NREP: variants seen among roughly 807,000 people sequenced by gnomAD.
NREP encodes the protein neuronal regeneration related protein.
In NREP, 5 loss-of-function variants were observed where a neutral mutation model predicts 8.6. The ratio of observed to expected loss-of-function variants is 0.58; its 90% CI spans 0.30 to 1.22. The LOEUF is 1.22. NREP is among the 50% of genes most tolerant of loss of function. NREP has a pLI of 0.07. For missense variants in NREP, 86 were observed against 82.5 expected (o/e 1.04, Z -0.17); for synonymous variants, 27 against 28.0 (o/e 0.96, Z 0.11).
intron 2 of NREP, among the ~76,000 whole-genome samples, chr5:111,834,073 CTT>C (rs1032341953): frequency 7.9e-5 from 12 of 152,076 alleles, no homozygotes; most frequent in Admixed American, 5.9e-4. Context: ...TGTCACCTGA[CTT>C]TTTTTGTGTT....
At chr5:111,918,358 T>A (rs1268556427) in intron 2 of NREP, among the ~76,000 whole-genome samples, 1 of 152,158 alleles carries the variant, frequency 6.6e-6, no homozygotes, top group Non-Finnish European at 1.5e-5. Flanking sequence ...AAAAACTACT[T>A]TAAATTTTAT....
chr5:111,896,154 A>G (rs1428456778), intron 2 of NREP, among the ~76,000 whole-genome samples: 1 of 152,182 alleles, frequency 6.6e-6, no homozygotes, highest in Non-Finnish European at 1.5e-5. Context: ...GAGGAAGCAC[A>G]GAGATTGGTA....
intron 2 of NREP, among the ~76,000 whole-genome samples, chr5:111,782,301 G>A (rs1311287811): frequency 6.6e-6 from 1 of 152,184 alleles, no homozygotes; most frequent in East Asian, 1.9e-4. Context: ...GCTTATCAGT[G>A]TGACTAATAA....
upstream of NREP, chr5:111,757,514 CCCAG>C (rs1296696233): frequency 3.0e-6 from 3 of 984,964 alleles, no homozygotes; most frequent in African/African-American, 5.2e-5. Context: ...GAGCCAGCGC[CCCAG>C]CCTTGCTGCC....
chr5:111,805,691 A>C (rs1010401770), intron 2 of NREP, among the ~76,000 whole-genome samples: 4 of 152,240 alleles, frequency 2.6e-5, no homozygotes, highest in African/African-American at 9.6e-5. Flanking sequence ...ATACTTCAGC[A>C]AATAAGTTCA....
At chr5:111,810,840 A>G (rs896428065) in intron 2 of NREP, among the ~76,000 whole-genome samples, 1 of 152,200 alleles carries the variant, frequency 6.6e-6, no homozygotes, top group African/African-American at 2.4e-5. Context: ...TCCTATAATT[A>G]CTTTTCAACA....
At position 111,827,893 on chromosome 5, in the gene NREP, C is replaced by T. The variant is rs140494091; in HGVS notation, c.136-92386G>A. Among the ~76,000 whole-genome samples, 758 of 152,266 alleles carry T rather than the reference C, an allele frequency of 5.0e-3. 20 individuals carry two copies. The highest frequency in any genetic ancestry group is 0.038 in the Admixed American group (574 of 15,292). On this transcript the variant is annotated intron_variant, in intron 2 of 3. Coordinates refer to the NREP transcript ENST00000395634. Reference sequence around the variant, plus strand: ...AACAACAACAAAAAACCTATGTACTCTCTGGAGATCCAAGACAGTACCAAA... The same window carrying T: ...AACAACAACAAAAAACCTATGTACTTTCTGGAGATCCAAGACAGTACCAAA...
At chr5:111,838,384 G>A (rs1340422262) in intron 2 of NREP, among the ~76,000 whole-genome samples, 4 of 152,130 alleles carry the variant, frequency 2.6e-5, no homozygotes, top group Non-Finnish European at 5.9e-5. Context: ...AGTTTTATGT[G>A]TCAACTTGAC....
intron 2 of NREP, among the ~76,000 whole-genome samples, chr5:111,968,693 T>C (rs1376381262): frequency 1.3e-5 from 2 of 152,244 alleles, no homozygotes; most frequent in African/African-American, 4.8e-5. Context: ...TAATGTGTCA[T>C]GTGTGATGCA....
At chr5:111,969,069 C>T (rs1049887032) in intron 2 of NREP, among the ~76,000 whole-genome samples, 2 of 152,092 alleles carry the variant, frequency 1.3e-5, no homozygotes, top group Non-Finnish European at 2.9e-5. Flanking sequence ...GAAATATGAA[C>T]CAGATATCAG....
At chr5:111,921,633 G>C (rs1360388888) in intron 2 of NREP, among the ~76,000 whole-genome samples, 2 of 151,908 alleles carry the variant, frequency 1.3e-5, no homozygotes, top group Non-Finnish European at 2.9e-5. Context: ...TAAAGTCTTT[G>C]GACAAGCCTT....
chr5:111,775,972 C>T (rs983148152), intron 2 of NREP, among the ~76,000 whole-genome samples: 1 of 152,064 alleles, frequency 6.6e-6, no homozygotes, highest in South Asian at 2.1e-4. Context: ...TAATAAGAGA[C>T]TTTCAAATTA....
chr5:111,845,880 G>T (rs537414691), intron 2 of NREP, among the ~76,000 whole-genome samples: 2 of 150,184 alleles, frequency 1.3e-5, no homozygotes, highest in African/African-American at 4.9e-5. Flanking sequence ...GAAAAGAAAA[G>T]AAACCTCATA....
rs535575836 is a variant in NREP at position 111,926,436 on chromosome 5, G to T, written c.135+48838C>A. 2.6e-5 allele frequency among the ~76,000 whole-genome samples: 4 copies of T among 152,228 alleles called. No individual in the cohort carries two copies. In the South Asian group the frequency reaches 6.2e-4, roughly 24 times the overall value. ...TTGTGCATCGCTTGCAGAGGTCTGT[G>T]TTGTCCCACAGGGCAAAGAAAGCCT... On this transcript the variant is annotated intron_variant, in intron 2 of 3. Coordinates refer to the NREP transcript ENST00000395634.
chr5:111,858,794 T>G (rs1005821914), intron 2 of NREP, among the ~76,000 whole-genome samples: 1 of 152,112 alleles, frequency 6.6e-6, no homozygotes, highest in Non-Finnish European at 1.5e-5. Context: ...CTGGCCATTT[T>G]TAAACAAGAT....
chr5:111,920,694 C>T (rs1755213295), intron 2 of NREP, among the ~76,000 whole-genome samples: 1 of 152,020 alleles, frequency 6.6e-6, no homozygotes, highest in African/African-American at 2.4e-5. Context: ...TTCTGAATCC[C>T]CACCCCACCC....
chr5:111,797,105 A>G (rs1361853099), intron 2 of NREP, among the ~76,000 whole-genome samples: 1 of 151,920 alleles, frequency 6.6e-6, no homozygotes, highest in Non-Finnish European at 1.5e-5. Context: ...AGATAGATAG[A>G]TAGATATTTC....
intron 2 of NREP, among the ~76,000 whole-genome samples, chr5:111,809,234 ACT>A (rs1450245528): frequency 6.6e-6 from 1 of 152,128 alleles, no homozygotes; most frequent in Non-Finnish European, 1.5e-5. Context: ...GATTTATATG[ACT>A]CTGAACCAAA....
At chr5:111,955,477 A>C (rs371097072) in intron 2 of NREP, among the ~76,000 whole-genome samples, 1,620 of 109,810 alleles carry the variant, frequency 0.015, 33 homozygotes, top group African/African-American at 0.044. Flanking sequence ...CAGAAAAAAA[A>C]AAAACAAAAA....
Sources: gnomAD v4.1 joint callset for allele counts (sites outside exome capture counted in the v4.1 genomes callset) on GRCh38, gnomAD v4.1.1 for gene constraint, MANE v1.5 for transcripts, NCBI Gene and HGNC (gene_info 2026-07-23, HGNC 2026-07-21) for gene names.